The following SRD5A2 variants were observed in gnomAD, a reference collection of about 807,000 sequenced individuals.
SRD5A2 encodes the protein 3-oxo-5-alpha-steroid 4-dehydrogenase 2.
Under a neutral mutation model 27.4 loss-of-function variants are expected in SRD5A2, and 30 were observed. The observed-to-expected ratio is 1.10, with a 90% CI of 0.82 to 1.49. The LOEUF (loss-of-function observed/expected upper bound fraction) is 1.49, where lower values mean the gene tolerates loss of function less well. Ranked by LOEUF, SRD5A2 falls within the 40% of genes most tolerant of loss-of-function variation. The pLI, the probability that SRD5A2 is intolerant of heterozygous loss-of-function variation, is 0.00. For synonymous variants in SRD5A2, 141 were observed against 133.6 expected (o/e 1.06, Z -0.38); for missense variants, 348 against 323.4 (o/e 1.08, Z -0.58).
chr2:31,535,946 G>T (rs1666017704), intron 1 of SRD5A2, among the ~76,000 whole-genome samples: 1 of 152,196 alleles, frequency 6.6e-6, no homozygotes, highest in Admixed American at 6.5e-5. Context: ...TGTGATCTTG[G>T]ACAAACTCCT....
At chr2:31,585,821 C>T (rs1330372122), upstream of SRD5A2, among the ~76,000 whole-genome samples, 1 of 152,096 alleles carries the variant, frequency 6.6e-6, no homozygotes, top group East Asian at 1.9e-4. Context: ...CACAGGGAAG[C>T]CCACTGCCCC....
At chr2:31,614,515 A>G in the SRD5A2 span, among the ~76,000 whole-genome samples, 5 of 152,242 alleles carry the variant, frequency 3.3e-5, no homozygotes, top group Admixed American at 3.3e-4. Context: ...TTCCAGGTAC[A>G]CAGGCAAGCT....
At chr2:31,627,037 C>A in the SRD5A2 span, among the ~76,000 whole-genome samples, 2 of 152,068 alleles carry the variant, frequency 1.3e-5, no homozygotes, top group African/African-American at 4.8e-5. Flanking sequence ...AATTTCAGAA[C>A]CTGTTATTGG....
At chr2:31,638,452 T>G in the SRD5A2 span, among the ~76,000 whole-genome samples, 1 of 152,108 alleles carries the variant, frequency 6.6e-6, no homozygotes, top group Non-Finnish European at 1.5e-5. Context: ...TTACTAGGTT[T>G]AGTATGTAGT....
the SRD5A2 span, among the ~76,000 whole-genome samples, chr2:31,594,028 A>G: frequency 6.6e-6 from 1 of 152,224 alleles, no homozygotes; most frequent in East Asian, 1.9e-4. Flanking sequence ...CACAGCACTA[A>G]AAGAAATGCT....
the SRD5A2 span, among the ~76,000 whole-genome samples, chr2:31,618,139 G>A: frequency 6.6e-6 from 1 of 152,140 alleles, no homozygotes; most frequent in Non-Finnish European, 1.5e-5. Flanking sequence ...ATGGCAGCAG[G>A]CAAGAGAGCT....
chr2:31,567,155 T>C (rs542604794), intron 1 of SRD5A2, among the ~76,000 whole-genome samples: 7 of 152,340 alleles, frequency 4.6e-5, no homozygotes, highest in African/African-American at 1.7e-4. Context: ...CAGTTGTGAA[T>C]AGTAACACTA....
intron 1 of SRD5A2, among the ~76,000 whole-genome samples, chr2:31,539,004 C>T (rs573313796): frequency 3.9e-5 from 6 of 152,200 alleles, no homozygotes; most frequent in Non-Finnish European, 8.8e-5. Context: ...ACACATCATA[C>T]GCATGCAGAG....
intron 1 of SRD5A2, among the ~76,000 whole-genome samples, chr2:31,559,843 C>CACACAT (rs1666580175): frequency 1.3e-5 from 1 of 78,962 alleles, no homozygotes; most frequent in African/African-American, 3.6e-5. Context: ...AACCCACACA[C>CACACAT]ACACACACAC....
Position 31,525,933 on chromosome 2 carries a change from G to T in SRD5A2, c.*263C>A. Reference sequence around the variant, plus strand: ...CATAGGAGAAGTTTGTACTTTCTCAGAGCAATAGCTAAGAAGCAACTGTCG... The same window carrying T: ...CATAGGAGAAGTTTGTACTTTCTCATAGCAATAGCTAAGAAGCAACTGTCG... On this transcript the variant is annotated 3_prime_UTR_variant, in exon 5 of 5. Transcript: ENST00000622030. The T allele has an allele frequency of 2.6e-6, 1 of 382,378 alleles. No homozygotes were observed. Among genetic ancestry groups the T allele is most frequent in the Non-Finnish European group, 4.7e-6 (1 of 210,988 alleles). 23.7% of individuals were successfully genotyped at this position (382,378 alleles called of 1,614,324 possible). A position where few individuals can be genotyped will look rare whatever the true frequency, so the allele number is the denominator to read the frequency against.
chr2:31,603,919 A>G, the SRD5A2 span, among the ~76,000 whole-genome samples: 1 of 151,906 alleles, frequency 6.6e-6, no homozygotes, highest in Non-Finnish European at 1.5e-5. Flanking sequence ...AAGAGAGAGC[A>G]TCAGGAAGAA....
chr2:31,546,057 G>A (rs12997007), intron 1 of SRD5A2, among the ~76,000 whole-genome samples: 2,108 of 152,172 alleles, frequency 0.014, 37 homozygotes, highest in Middle Eastern at 0.065. Flanking sequence ...AGAAGTTAAA[G>A]AAGAATATAA....
chr2:31,552,545 G>GA (rs1439904647), intron 1 of SRD5A2, among the ~76,000 whole-genome samples: 1 of 152,138 alleles, frequency 6.6e-6, no homozygotes, highest in African/African-American at 2.4e-5. Context: ...GAGATTGGGA[G>GA]AAATTGCAGA....
the SRD5A2 span, among the ~76,000 whole-genome samples, chr2:31,659,840 A>G: frequency 3.9e-3 from 593 of 152,216 alleles, 9 homozygotes; most frequent in African/African-American, 0.013. Context: ...TGTTAAAAAG[A>G]AATAAAAAAT....
chr2:31,525,021 T>C lies in SRD5A2; in HGVS notation c.*1175A>G, dbSNP rs1665743412. 9.2e-6 allele frequency: 2 copies of C among 217,820 alleles called. No individual in the cohort carries two copies. The highest frequency in any genetic ancestry group is 1.8e-5 in the Non-Finnish European group (2 of 108,494). The allele number at this position is 217,820 out of a possible 1,614,324, so 13.5% of individuals were successfully genotyped here. A position where few individuals can be genotyped will look rare whatever the true frequency, so the allele number is the denominator to read the frequency against. On this transcript the variant is annotated 3_prime_UTR_variant, in exon 5 of 5. Transcript: ENST00000622030. ...AGAGTTTTATGAAGGAATCTCCTGA[T>C]TTTTAAGTTTTTGAAACTTTGTAAA... is the stretch of plus-strand genomic sequence containing the variant.
intron 1 of SRD5A2, among the ~76,000 whole-genome samples, chr2:31,539,158 A>C (rs1572634690): frequency 6.6e-6 from 1 of 152,168 alleles, no homozygotes; most frequent in East Asian, 1.9e-4. Context: ...AAGATTCTAA[A>C]AGTTGGAGAG....
chr2:31,548,831 C>A (rs1318899723), intron 1 of SRD5A2, among the ~76,000 whole-genome samples: 1 of 152,074 alleles, frequency 6.6e-6, no homozygotes, highest in Non-Finnish European at 1.5e-5. Context: ...TGGAAGCAAT[C>A]AAGTGTCTAT....
chr2:31,558,553 G>A (rs1038902375), intron 1 of SRD5A2, among the ~76,000 whole-genome samples: 7 of 152,112 alleles, frequency 4.6e-5, no homozygotes, highest in African/African-American at 7.2e-5. Context: ...GATGGCCATC[G>A]TCCCGGTGTT....
At chr2:31,608,422 G>A in the SRD5A2 span, among the ~76,000 whole-genome samples, 4 of 151,800 alleles carry the variant, frequency 2.6e-5, no homozygotes, top group African/African-American at 7.2e-5. Context: ...AATACAAAAC[G>A]GGGGCAGGAA....
Sources: allele counts gnomAD v4.1 joint callset (sites outside exome capture counted in the v4.1 genomes callset), GRCh38; gene constraint gnomAD v4.1.1; transcripts MANE v1.5; gene names NCBI Gene and HGNC (gene_info 2026-07-23, HGNC 2026-07-21).